The following CABIN1 variants were observed in gnomAD, a reference collection of about 807,000 sequenced individuals.
The protein encoded by CABIN1 is calcineurin binding protein 1.
Under a neutral mutation model 227.7 loss-of-function variants are expected in CABIN1, and 133 were observed. The ratio of observed to expected loss-of-function variants is 0.58; its 90% CI spans 0.51 to 0.67. The LOEUF is 0.67. Ranked by LOEUF, CABIN1 falls within the 30% of genes least tolerant of loss-of-function variation. CABIN1 has a pLI of 0.00. For missense variants in CABIN1, 2,408 were observed against 2,852.5 expected, an observed-to-expected ratio of 0.84 and a Z score of 3.55; for synonymous variants, 1,086 against 1,155.1, an observed-to-expected ratio of 0.94 and a Z score of 1.21.
chr22:24,052,647 C>T (rs1358510091), intron 8 of CABIN1, among the ~76,000 whole-genome samples: 1 of 151,606 alleles, frequency 6.6e-6, no homozygotes, highest in African/African-American at 2.4e-5. Context: ...CAAAATTAGC[C>T]AGATATGGTG....
At position 24,067,010 on chromosome 22, in the gene CABIN1, G is replaced by A. The variant is rs1389318658; in HGVS notation, c.2061G>A (p.Leu687=). Residue 687 remains leucine, a synonymous_variant, in exon 16 of 37, where the codon CTG becomes CTA. Coordinates refer to ENST00000263119, the MANE Select transcript of CABIN1 (RefSeq NM_012295.4). ...LEEIDKNLKS[L]ERCQSLEEIQ... is the part of the protein sequence containing the mutation. Reference sequence around the variant, plus strand: ...AGATTGATAAGAACCTGAAGTCGCTGGAGCGGTGCCAGTCCCTGGAGGAGA... The same window carrying A: ...AGATTGATAAGAACCTGAAGTCGCTAGAGCGGTGCCAGTCCCTGGAGGAGA... The A allele has an allele frequency of 6.2e-7, 1 of 1,614,206 alleles. No homozygotes were observed.
At chr22:24,105,986 G>T (rs2042490803) in intron 26 of CABIN1, among the ~76,000 whole-genome samples, 1 of 152,226 alleles carries the variant, frequency 6.6e-6, no homozygotes, top group East Asian at 1.9e-4. Context: ...GGATCCCAAA[G>T]ATCCTGTGGA....
chr22:24,087,218 C>G (rs2041228727), intron 22 of CABIN1, among the ~76,000 whole-genome samples: 1 of 152,222 alleles, frequency 6.6e-6, no homozygotes, highest in African/African-American at 2.4e-5. Flanking sequence ...GCCCACAGCT[C>G]TTCTCTTGAG....
intron 28 of CABIN1, among the ~76,000 whole-genome samples, chr22:24,124,894 T>C (rs955640871): frequency 3.3e-5 from 5 of 152,142 alleles, no homozygotes; most frequent in African/African-American, 4.8e-5. Flanking sequence ...CTGGAGCCAA[T>C]AATCTTGAAT....
chr22:24,096,227 A>G (rs2041885256), intron 25 of CABIN1, 145 bp downstream of exon 25: 3 of 931,532 alleles, frequency 3.2e-6, no homozygotes, highest in Non-Finnish European at 5.1e-6. Context: ...CCATCTGGAA[A>G]CTCCCATTTG....
intron 27 of CABIN1, among the ~76,000 whole-genome samples, chr22:24,119,166 A>G (rs866360521): frequency 3.9e-5 from 6 of 152,154 alleles, no homozygotes; most frequent in Non-Finnish European, 8.8e-5. Flanking sequence ...AGCCTGTTTC[A>G]TGGAGCGGGA....
At chr22:24,062,133 GT>G in intron 13 of CABIN1, 108 bp downstream of exon 13, 1 of 895,802 alleles carries the variant, frequency 1.1e-6, no homozygotes, top group Non-Finnish European at 1.8e-6. Flanking sequence ...TATATCTACA[GT>G]AGGCACATTT....
At chr22:24,019,474 C>T (rs1206509800) in intron 1 of CABIN1, among the ~76,000 whole-genome samples, 1 of 151,682 alleles carries the variant, frequency 6.6e-6, no homozygotes, top group Non-Finnish European at 1.5e-5. Flanking sequence ...AGGATGGTCT[C>T]GAACTGCTGA....
At chr22:24,032,264 ATTTTAC>A (rs527270630) in intron 1 of CABIN1, among the ~76,000 whole-genome samples, 41 of 152,288 alleles carry the variant, frequency 2.7e-4, no homozygotes, top group Admixed American at 1.0e-3. Flanking sequence ...TGTCTGGCTT[ATTTTAC>A]TTAGTGTAGT....
At chr22:24,164,591 TG>T in intron 30 of CABIN1, 28 bp downstream of exon 30, 1 of 1,599,158 alleles carries the variant, frequency 6.3e-7, no homozygotes, top group Non-Finnish European at 8.5e-7. Flanking sequence ...GGACACAGCC[TG>T]GCATGCTGTG....
Position 24,050,881 on chromosome 22 carries a change from A to G in CABIN1, c.713A>G (p.Asp238Gly). The G allele has an allele frequency of 6.2e-7, 1 of 1,614,204 alleles. No homozygotes were observed. Among genetic ancestry groups the G allele is most frequent in the Non-Finnish European group, 8.5e-7 (1 of 1,180,042 alleles). The change falls in exon 8 of 37, where the codon GAT becomes GGT. Residue 238 changes from aspartate (D) to glycine (G), a missense_variant. Transcript: ENST00000263119. ...VSAAETQAIV[D>G]EALGLRKKRQ... is the part of the protein sequence containing the mutation. ...GCAGCTGAGACACAGGCGATTGTAG[A>G]TGAGGCCTTGGGGCTGCGAAAAAAG...
At chr22:24,119,887 G>A (rs1291385376) in intron 28 of CABIN1, among the ~76,000 whole-genome samples, 189 bp downstream of exon 28, 1 of 152,250 alleles carries the variant, frequency 6.6e-6, no homozygotes, top group East Asian at 1.9e-4. Flanking sequence ...ACCTGGTGGT[G>A]AGGGCCCAGG....
At chr22:24,038,320 T>C in intron 3 of CABIN1, 28 bp from the exon 4 acceptor site, 1 of 1,571,024 alleles carries the variant, frequency 6.4e-7, no homozygotes. Flanking sequence ...TTATGCTGTA[T>C]GAAAACATCT....
At chr22:24,156,904 C>A (rs879756) in intron 29 of CABIN1, among the ~76,000 whole-genome samples, 42,167 of 152,086 alleles carry the variant, frequency 0.28, 7,186 homozygotes, top group African/African-American at 0.48. Context: ...CTTAGCGCTC[C>A]ACGTCTTATT....
At chr22:24,029,765 T>G (rs1199998885) in intron 1 of CABIN1, among the ~76,000 whole-genome samples, 2 of 152,202 alleles carry the variant, frequency 1.3e-5, no homozygotes, top group Admixed American at 6.5e-5. Flanking sequence ...CTAATGTATG[T>G]GATGAGTCTA....
chr22:24,170,309 C>T (rs893639468), intron 33 of CABIN1, among the ~76,000 whole-genome samples: 9 of 152,206 alleles, frequency 5.9e-5, no homozygotes, highest in East Asian at 1.9e-4. Flanking sequence ...CCATAGCTCC[C>T]GCCCCTCAGG....
chr22:24,023,899 A>AT (rs1192130374), intron 1 of CABIN1, among the ~76,000 whole-genome samples: 5 of 151,856 alleles, frequency 3.3e-5, no homozygotes, highest in Non-Finnish European at 5.9e-5. Context: ...TGCCCAGCTA[A>AT]TTTTTTTATT....
chr22:24,134,476 C>A (rs142204787), intron 29 of CABIN1, 61 bp downstream of exon 29: 2 of 1,397,330 alleles, frequency 1.4e-6, no homozygotes, highest in Non-Finnish European at 1.0e-6. Context: ...TCACTGAAGG[C>A]GCATGAATTG....
intron 29 of CABIN1, among the ~76,000 whole-genome samples, chr22:24,153,652 A>T (rs1000573595): frequency 3.3e-5 from 5 of 152,154 alleles, no homozygotes; most frequent in Non-Finnish European, 7.4e-5. Flanking sequence ...TACCTGTCAG[A>T]CATGGCAGTA....
Sources: allele counts gnomAD v4.1 joint callset (sites outside exome capture counted in the v4.1 genomes callset), GRCh38; gene constraint gnomAD v4.1.1; transcripts MANE v1.5; gene names NCBI Gene and HGNC (gene_info 2026-07-23, HGNC 2026-07-21).